Variants in SMAD2 observed in about 807,000 individuals in gnomAD.
SMAD2 encodes MAD homolog 2.
In SMAD2, 8 loss-of-function variants were observed where a neutral mutation model predicts 64.4. The observed-to-expected ratio is 0.12, with a 90% CI of 0.07 to 0.22. The LOEUF is 0.22. Ranked by LOEUF, SMAD2 falls within the 10% of genes least tolerant of loss-of-function variation. The pLI is 1.00. For missense variants in SMAD2, 289 were observed against 561.2 expected, an observed-to-expected ratio of 0.51 and a Z score of 4.90; for synonymous variants, 203 against 195.8, an observed-to-expected ratio of 1.04 and a Z score of -0.31.
At chr18:47,907,232 T>C (rs776755149) in intron 1 of SMAD2, among the ~76,000 whole-genome samples, 5 of 152,158 alleles carry the variant, frequency 3.3e-5, no homozygotes, top group East Asian at 1.9e-4. Flanking sequence ...TATAAGAATG[T>C]TCATAGTAGC....
Position 47,829,952 on chromosome 18 carries a change from A to T in SMAD2, c.*11875T>A, listed in dbSNP as rs1912922028. On this transcript the variant is annotated 3_prime_UTR_variant, in exon 11 of 11. Coordinates refer to ENST00000262160, the MANE Select transcript of SMAD2 (RefSeq NM_005901.6). ...AAATTTGAATTTCCCTTTGCCTACA[A>T]GTCTAAGTAACTTGCAGCAGCAAAT... is the stretch of plus-strand genomic sequence containing the variant. 1 of 152,214 alleles carries T rather than the reference A, an allele frequency of 6.6e-6. No individual in the cohort carries two copies. The highest frequency in any genetic ancestry group is 1.5e-5 in the Non-Finnish European group (1 of 68,036). The allele number at this position is 152,214 out of a possible 1,614,324, so 9.4% of individuals were successfully genotyped here. A position where few individuals can be genotyped will look rare whatever the true frequency, so the allele number is the denominator to read the frequency against.
chr18:47,902,037 C>A (rs2033706800), intron 1 of SMAD2, among the ~76,000 whole-genome samples: 1 of 152,182 alleles, frequency 6.6e-6, no homozygotes, highest in African/African-American at 2.4e-5. Flanking sequence ...ATATCCCAAT[C>A]TCCTTTTCTG....
chr18:47,852,241 T>C (rs913537380), intron 6 of SMAD2, among the ~76,000 whole-genome samples: 11 of 152,204 alleles, frequency 7.2e-5, no homozygotes, highest in African/African-American at 2.4e-4. Flanking sequence ...ATTGGTCTTT[T>C]GACTCTTAAT....
chr18:47,842,001 G>A (rs749026414), intron 10 of SMAD2, 51 bp from the exon 11 acceptor site: 3 of 1,604,114 alleles, frequency 1.9e-6, no homozygotes, highest in African/African-American at 2.7e-5. Flanking sequence ...TCCACAGGCA[G>A]GGAAAATGGC....
chr18:47,891,167 T>C (rs2033169784), intron 2 of SMAD2, among the ~76,000 whole-genome samples: 2 of 152,106 alleles, frequency 1.3e-5, no homozygotes, highest in Non-Finnish European at 2.9e-5. Context: ...TAGACAGGCA[T>C]GGTGGCGCAT....
intron 1 of SMAD2, among the ~76,000 whole-genome samples, chr18:47,918,569 AAAACGTC>A (rs1204148038): frequency 1.3e-5 from 2 of 152,238 alleles, no homozygotes; most frequent in Non-Finnish European, 2.9e-5. Context: ...TATCTGAGGA[AAAACGTC>A]AAACAAAACC....
At chr18:47,882,901 T>C (rs1423099685) in intron 2 of SMAD2, among the ~76,000 whole-genome samples, 1 of 152,236 alleles carries the variant, frequency 6.6e-6, no homozygotes, top group Non-Finnish European at 1.5e-5. Context: ...TAAAATTGTT[T>C]ATAATATTTG....
In SMAD2 at chr18:47,817,000, A is replaced by T. The variant is rs1381072882; in HGVS notation, c.*24827T>A. 1 of 152,276 alleles carries T rather than the reference A, an allele frequency of 6.6e-6. No individual in the cohort carries two copies. Among genetic ancestry groups the T allele is most frequent in the African/African-American group, 2.4e-5 (1 of 41,424 alleles). The allele number at this position is 152,276 out of a possible 1,614,324, so 9.4% of individuals were successfully genotyped here. A position where few individuals can be genotyped will look rare whatever the true frequency, so the allele number is the denominator to read the frequency against. ...CTGGTCTCAAACTCCTGACCTCGTGATCGGCCCACCTCAGCCTCCCAAAGT... is the reference window on the plus strand; with the variant it reads ...CTGGTCTCAAACTCCTGACCTCGTGTTCGGCCCACCTCAGCCTCCCAAAGT... On this transcript the variant is annotated 3_prime_UTR_variant, in exon 11 of 11. Transcript: ENST00000262160.
At chr18:47,920,727 T>C (rs1223323174) in intron 1 of SMAD2, among the ~76,000 whole-genome samples, 1 of 152,264 alleles carries the variant, frequency 6.6e-6, no homozygotes, top group East Asian at 1.9e-4. Flanking sequence ...TAGATATTCT[T>C]TGAACTACTC....
chr18:47,843,206 G>A (rs2144281242), intron 10 of SMAD2, among the ~76,000 whole-genome samples: 1 of 152,316 alleles, frequency 6.6e-6, no homozygotes, highest in South Asian at 2.1e-4. Flanking sequence ...AGCATCCCCA[G>A]GAGCAGCCCT....
chr18:47,892,935 C>CT (rs2033266930), intron 2 of SMAD2, among the ~76,000 whole-genome samples: 1 of 152,078 alleles, frequency 6.6e-6, no homozygotes, highest in Non-Finnish European at 1.5e-5. Flanking sequence ...CCCCATAGTC[C>CT]TTACTTTTAA....
chr18:47,920,206 T>C (rs557862873), intron 1 of SMAD2: 27 of 152,302 alleles, frequency 1.8e-4, no homozygotes, highest in African/African-American at 6.0e-4. Context: ...AACGGTCTCT[T>C]TTATAAAGGC....
In SMAD2 at chr18:47,871,719, C is replaced by T. The variant is rs1403510948; in HGVS notation, c.237-1155G>A. Among the ~76,000 whole-genome samples the T allele has an allele frequency of 1.3e-5, 2 of 152,194 alleles. 1 individual carries two copies. Among genetic ancestry groups the T allele is most frequent in the East Asian group, 3.8e-4 (2 of 5,198 alleles). On this transcript the variant is annotated intron_variant, in intron 2 of 10. Transcript: ENST00000262160. ...CCAGACTATAAAAGCCAGAAAAAGC[C>T]AGGTAAATTAAGGCTTAGACCTTTC... is the stretch of plus-strand genomic sequence containing the variant.
At chr18:47,919,292 C>T (rs529874592) in intron 1 of SMAD2, among the ~76,000 whole-genome samples, 1 of 151,884 alleles carries the variant, frequency 6.6e-6, no homozygotes, top group Non-Finnish European at 1.5e-5. Context: ...CGCCCCACCC[C>T]CAACACACTC....
In SMAD2 at chr18:47,896,793, A is replaced by G. The variant is rs2033456376; in HGVS notation, c.-37T>C. On this transcript the variant is annotated 5_prime_UTR_variant, in exon 2 of 11. Transcript: ENST00000262160. ...AGGCAGCAAGCCACGCTAGGAAAAC[A>G]GCCTCTTGTATCGAACCTAGCAGAA... 5 of 1,602,976 alleles carry G rather than the reference A, an allele frequency of 3.1e-6. No homozygotes were observed. The highest frequency in any genetic ancestry group is 1.3e-5 in the African/African-American group (1 of 74,640).
At chr18:47,891,395 C>T (rs1270641198) in intron 2 of SMAD2, among the ~76,000 whole-genome samples, 5 of 152,046 alleles carry the variant, frequency 3.3e-5, no homozygotes, top group Admixed American at 6.6e-5. Context: ...AGTAATACAA[C>T]GTTCACTACA....
At chr18:47,885,130 T>TAC (rs1221476932) in intron 2 of SMAD2, among the ~76,000 whole-genome samples, 31 of 64,268 alleles carry the variant, frequency 4.8e-4, no homozygotes, top group African/African-American at 2.1e-3. Flanking sequence ...GATTTAGTCA[T>TAC]ATACACACAC....
At chr18:47,867,940 A>T (rs2031685673) in intron 5 of SMAD2, among the ~76,000 whole-genome samples, 2 of 152,194 alleles carry the variant, frequency 1.3e-5, no homozygotes, top group South Asian at 2.1e-4. Flanking sequence ...AGAAAAAGTG[A>T]TCATTGGGTG....
chr18:47,882,944 CA>C (rs2032692954), intron 2 of SMAD2, among the ~76,000 whole-genome samples: 1 of 152,118 alleles, frequency 6.6e-6, no homozygotes, highest in African/African-American at 2.4e-5. Context: ...TAGGACCTAC[CA>C]TGACAATCCC....
Sources: allele counts gnomAD v4.1 joint callset (sites outside exome capture counted in the v4.1 genomes callset), GRCh38; gene constraint gnomAD v4.1.1; transcripts MANE v1.5; gene names NCBI Gene and HGNC (gene_info 2026-07-23, HGNC 2026-07-21).